The following PCDH15 variants were observed in gnomAD, a reference collection of about 807,000 sequenced individuals.
PCDH15 encodes protocadherin-15.
In PCDH15, 129 loss-of-function variants were observed where a neutral mutation model predicts 178.5. The ratio of observed to expected loss-of-function variants is 0.72; its 90% CI spans 0.63 to 0.84. The LOEUF (loss-of-function observed/expected upper bound fraction) is 0.84. Ranked by LOEUF, PCDH15 falls within the 40% of genes least tolerant of loss-of-function variation. The pLI is 0.00. For missense variants in PCDH15, 2,230 were observed against 2,099.9 expected (o/e 1.06, Z -1.21); for synonymous variants, 800 against 732.0 (o/e 1.09, Z -1.50).
intron 1 of PCDH15, among the ~76,000 whole-genome samples, chr10:55,192,328 G>A (rs1839964620): frequency 6.6e-6 from 1 of 151,736 alleles, no homozygotes; most frequent in South Asian, 2.1e-4. Flanking sequence ...AAAGATTGAT[G>A]TTTGGCAGGA....
chr10:53,895,218 T>A (rs2081872266), intron 26 of PCDH15, among the ~76,000 whole-genome samples: 1 of 152,148 alleles, frequency 6.6e-6, no homozygotes, highest in Non-Finnish European at 1.5e-5. Flanking sequence ...TTGTTAACCT[T>A]GTACATTTCT....
intron 2 of PCDH15, among the ~76,000 whole-genome samples, chr10:55,538,754 C>T (rs1218716143): frequency 4.9e-5 from 4 of 82,158 alleles, no homozygotes; most frequent in East Asian, 4.5e-4. Context: ...CTTCCTTCCT[C>T]CCTTCCTTCC....
At chr10:54,488,254 T>C (rs1426659249) in intron 3 of PCDH15, among the ~76,000 whole-genome samples, 1 of 151,906 alleles carries the variant, frequency 6.6e-6, no homozygotes, top group Non-Finnish European at 1.5e-5. Flanking sequence ...AGTAATGGAA[T>C]ATAGTTTTGA....
At chr10:55,216,371 T>C (rs902190224) in intron 1 of PCDH15, among the ~76,000 whole-genome samples, 11 of 151,968 alleles carry the variant, frequency 7.2e-5, no homozygotes, top group African/African-American at 2.7e-4. Context: ...TGTATCTCTT[T>C]GTTAGAAGTC....
At chr10:54,494,968 G>C (rs1204123437) in intron 3 of PCDH15, among the ~76,000 whole-genome samples, 1 of 152,006 alleles carries the variant, frequency 6.6e-6, no homozygotes, top group Non-Finnish European at 1.5e-5. Context: ...TTCATGCTCT[G>C]ATAGCTTTCA....
intron 2 of PCDH15, among the ~76,000 whole-genome samples, chr10:55,376,411 A>G (rs577055483): frequency 1.3e-5 from 2 of 152,188 alleles, no homozygotes; most frequent in East Asian, 1.9e-4. Flanking sequence ...TTCATGGAAT[A>G]TCATTATTTT....
At chr10:54,232,002 G>T (rs960296861) in intron 9 of PCDH15, among the ~76,000 whole-genome samples, 1 of 152,112 alleles carries the variant, frequency 6.6e-6, no homozygotes, top group East Asian at 1.9e-4. Context: ...TAAGACTTGG[G>T]GAACTGTTGA....
At chr10:55,242,861 C>G (rs763897304) in intron 1 of PCDH15, among the ~76,000 whole-genome samples, 6 of 151,784 alleles carry the variant, frequency 4.0e-5, no homozygotes, top group Non-Finnish European at 8.8e-5. Context: ...AACAAACAAA[C>G]AAAAAAGGCA....
At chr10:55,346,938 G>C (rs1467905558) in intron 2 of PCDH15, among the ~76,000 whole-genome samples, 1 of 152,002 alleles carries the variant, frequency 6.6e-6, no homozygotes, top group Non-Finnish European at 1.5e-5. Context: ...AAGTGAGTTG[G>C]GCGCGGTGAC....
intron 1 of PCDH15, among the ~76,000 whole-genome samples, chr10:54,763,635 T>C (rs755637929): frequency 4.6e-5 from 7 of 151,834 alleles, no homozygotes; most frequent in Non-Finnish European, 1.0e-4. Context: ...AACAAATAAA[T>C]AATAAATCTT....
At position 53,811,625 on chromosome 10, in the gene PCDH15, G is replaced by T. The variant is rs754165936; in HGVS notation, c.4492-6C>A. On this transcript the variant is annotated splice_region_variant and splice_polypyrimidine_tract_variant and intron_variant, in intron 35 of 37. Coordinates refer to ENST00000644397, the MANE Select transcript of PCDH15 (RefSeq NM_001384140.1). ...CCAGACTCCATGGATAATTCCTATT[G>T]TTCAAAAAGAAAAATTGCATTTGAA... is the stretch of plus-strand genomic sequence containing the variant. The T allele has an allele frequency of 7.8e-6, 12 of 1,531,820 alleles. No individual in the cohort carries two copies. The South Asian group carries it at 1.6e-4, about 21-fold the overall frequency. The allele number at this position is 1,531,820 out of a possible 1,614,324, so 94.9% of individuals were successfully genotyped here. A position where few individuals can be genotyped will look rare whatever the true frequency, so the allele number is the denominator to read the frequency against.
intron 2 of PCDH15, among the ~76,000 whole-genome samples, chr10:54,530,591 A>G (rs2083805152): frequency 6.6e-6 from 1 of 152,120 alleles, no homozygotes; most frequent in Non-Finnish European, 1.5e-5. Context: ...AAACCTCTCC[A>G]TGAGAGCAGC....
At chr10:54,915,814 T>C (rs953086128) in intron 2 of PCDH15, among the ~76,000 whole-genome samples, 1 of 152,140 alleles carries the variant, frequency 6.6e-6, no homozygotes, top group African/African-American at 2.4e-5. Context: ...ATCCATTAAA[T>C]ATCTTGAGAT....
At chr10:54,237,840 A>C (rs2054791444) in intron 8 of PCDH15, among the ~76,000 whole-genome samples, 1 of 152,324 alleles carries the variant, frequency 6.6e-6, no homozygotes, top group Non-Finnish European at 1.5e-5. Flanking sequence ...CTTGGGAAAT[A>C]TGATATTAAA....
At chr10:55,572,535 A>G (rs1225653359) in intron 2 of PCDH15, among the ~76,000 whole-genome samples, 1 of 152,002 alleles carries the variant, frequency 6.6e-6, no homozygotes, top group Non-Finnish European at 1.5e-5. Flanking sequence ...CAAAACACAT[A>G]CAATTATGCT....
At position 55,583,100 on chromosome 10, in the gene PCDH15, C is replaced by T. The variant is rs533204391; in HGVS notation, c.-156+44525G>A. ...TCAATCTTTACTTCATTATAAAATG[C>T]GGTGCTCTTCTAATTAAAACATGAA... is the stretch of plus-strand genomic sequence containing the variant. On this transcript the variant is annotated intron_variant, in intron 2 of 5. Coordinates refer to the PCDH15 transcript ENST00000613346. Among the ~76,000 whole-genome samples, 208 of 152,094 alleles carry T rather than the reference C, an allele frequency of 1.4e-3. 2 individuals carry two copies. The highest frequency in any genetic ancestry group is 4.0e-3 in the African/African-American group (164 of 41,502).
At chr10:54,391,941 T>C (rs1950589199) in intron 3 of PCDH15, among the ~76,000 whole-genome samples, 1 of 152,098 alleles carries the variant, frequency 6.6e-6, no homozygotes, top group Non-Finnish European at 1.5e-5. Context: ...GAGAGGAAAT[T>C]TATGAGTTAA....
intron 24 of PCDH15, 64 bp from the exon 25 acceptor site, chr10:53,939,019 A>C: frequency 2.6e-6 from 4 of 1,527,456 alleles, no homozygotes; most frequent in Non-Finnish European, 3.6e-6. Flanking sequence ...AATTCTCTTT[A>C]AAAGGCACTG....
intron 2 of PCDH15, among the ~76,000 whole-genome samples, chr10:55,053,118 C>T (rs1189532954): frequency 2.0e-5 from 3 of 152,138 alleles, no homozygotes; most frequent in Non-Finnish European, 2.9e-5. Flanking sequence ...ATGTGGCTGA[C>T]AAATTTCAAA....
Sources: gnomAD v4.1 joint callset for allele counts (sites outside exome capture counted in the v4.1 genomes callset) on GRCh38, gnomAD v4.1.1 for gene constraint, MANE v1.5 for transcripts, NCBI Gene and HGNC (gene_info 2026-07-23, HGNC 2026-07-21) for gene names.